The following ISLR2 variants were observed in gnomAD, a reference collection of about 807,000 sequenced individuals.
The protein encoded by ISLR2 is immunoglobulin superfamily containing leucine-rich repeat protein 2.
A neutral mutation model predicts 25.5 loss-of-function variants in ISLR2; 16 were observed. The ratio of observed to expected loss-of-function variants is 0.63; its 90% CI spans 0.43 to 0.95. The LOEUF (loss-of-function observed/expected upper bound fraction) is 0.95, where lower values mean the gene tolerates loss of function less well. Ranked by LOEUF, ISLR2 falls within the 40% of genes least tolerant of loss-of-function variation. ISLR2 has a pLI of 0.00. For missense variants in ISLR2, 883 were observed against 1,030.7 expected (o/e 0.86, Z 1.96); for synonymous variants, 508 against 486.6 (o/e 1.04, Z -0.58).
rs1202284404 is a variant in ISLR2, at chr15:74,131,818, CCTT to C, written c.-9+508_-9+510del. The C allele has an allele frequency of 4.6e-5, 7 of 152,368 alleles. No homozygotes were observed. The East Asian group carries it at 1.4e-3, about 29-fold the overall frequency. The allele number at this position is 152,368 out of a possible 1,614,324, so 9.4% of individuals were successfully genotyped here. A position where few individuals can be genotyped will look rare whatever the true frequency, so the allele number is the denominator to read the frequency against. ...CCGTAAGGAAGGTTGGCAGAGCAGC[CCTT>C]CTTCTCCCCTCACAGGAGCTGCAGC... On this transcript the variant is annotated intron_variant, in intron 2 of 2. Coordinates refer to ENST00000453268, the MANE Select transcript of ISLR2 (RefSeq NM_020851.3).
At position 74,133,043 on chromosome 15, in the gene ISLR2, G is replaced by C. The variant is rs2072463588; in HGVS notation, c.289G>C (p.Val97Leu). The C allele has an allele frequency of 6.2e-7, 1 of 1,613,020 alleles. No individual in the cohort carries two copies. Among genetic ancestry groups the C allele is most frequent in the Admixed American group, 1.7e-5 (1 of 60,014 alleles). ...VRTVEPGALAVLSQLKNLDLS... is the reference protein window; with the variant it reads ...VRTVEPGALALLSQLKNLDLS... ...CACCGTGGAGCCAGGCGCACTGGCC[G>C]TGCTGAGTCAGCTCAAGAACCTCGA... Residue 97 changes from valine (V) to leucine (L), a missense_variant, in exon 3 of 3, where the codon GTG (valine) becomes CTG (leucine). Physicochemically the swap from Val to Leu is conservative, Grantham distance 32. This residue lies in a region of ISLR2 where 271 missense variants were observed against 387.9 expected (regional missense o/e 0.70). Coordinates refer to ENST00000453268, the MANE Select transcript of ISLR2 (RefSeq NM_020851.3).
intron 2 of ISLR2, among the ~76,000 whole-genome samples, chr15:74,117,884 T>A (rs187413030): frequency 6.9e-4 from 105 of 152,264 alleles, no homozygotes; most frequent in African/African-American, 2.4e-3. Context: ...TCCACTGTTC[T>A]CACCTTCCAC....
intron 2 of ISLR2, among the ~76,000 whole-genome samples, chr15:74,109,746 C>A (rs2072151458): frequency 6.6e-6 from 1 of 152,172 alleles, no homozygotes; most frequent in African/African-American, 2.4e-5. Context: ...GATGCTGATG[C>A]TGTTGGCCCA....
At chr15:74,102,531 T>G (rs1342233425) in intron 1 of ISLR2, among the ~76,000 whole-genome samples, 1 of 149,904 alleles carries the variant, frequency 6.7e-6, no homozygotes, top group East Asian at 2.0e-4. Context: ...AACATTAGAG[T>G]GCATCCTAAT....
In ISLR2 at chr15:74,133,789, G is replaced by C. The variant is rs2072490155; in HGVS notation, c.1035G>C (p.Leu345=). 10 of 1,613,952 alleles carry C rather than the reference G, an allele frequency of 6.2e-6. No individual in the cohort carries two copies. Among genetic ancestry groups the C allele is most frequent in the Non-Finnish European group, 8.5e-6 (10 of 1,179,924 alleles). The part of the protein sequence containing the change: ...LANGSLLVPL[L]SAKEAGVYTC... ...ATGGCTCCCTGTTGGTGCCCCTCCT[G>C]AGTGCCAAGGAGGCGGGCGTCTACA... Residue 345 remains leucine (L), a synonymous_variant, in exon 3 of 3, where the codon CTG becomes CTC. Transcript: ENST00000453268.
chr15:74,109,541 A>C (rs113370667), intron 2 of ISLR2, among the ~76,000 whole-genome samples: 1 of 152,208 alleles, frequency 6.6e-6, no homozygotes, highest in African/African-American at 2.4e-5. Flanking sequence ...CCTGGGGCCC[A>C]CAGGAGGATT....
intron 2 of ISLR2, among the ~76,000 whole-genome samples, chr15:74,112,828 C>CTT (rs35655801): frequency 0.16 from 20,618 of 130,436 alleles, 2,198 homozygotes; most frequent in Non-Finnish European, 0.21. Context: ...GTGCCCGGCC[C>CTT]TTTTTTTTTT....
At chr15:74,123,552 G>T (rs1408122946), upstream of ISLR2, among the ~76,000 whole-genome samples, 2 of 152,212 alleles carry the variant, frequency 1.3e-5, no homozygotes, top group Admixed American at 6.5e-5. Context: ...TGAGCTTTCA[G>T]GTTGTGGAGC....
chr15:74,103,904 C>T (rs1453948570), exon 2 of ISLR2: 1 of 151,520 alleles, frequency 6.6e-6, no homozygotes, highest in Non-Finnish European at 1.5e-5. Flanking sequence ...GAGGTGTCTT[C>T]TGCCATAATT....
chr15:74,127,395 G>A (rs2072312623), upstream of ISLR2: 1 of 152,208 alleles, frequency 6.6e-6, no homozygotes, highest in Non-Finnish European at 1.5e-5. Flanking sequence ...GGAAGGTTTT[G>A]TGCCAGGGAC....
upstream of ISLR2, among the ~76,000 whole-genome samples, chr15:74,124,438 GTCTT>G (rs1158898785): frequency 6.6e-6 from 1 of 152,102 alleles, no homozygotes; most frequent in Non-Finnish European, 1.5e-5. Flanking sequence ...AGAGAAGCCT[GTCTT>G]TCTAACCCAC....
chr15:74,122,296 T>C (rs550841358), intron 2 of ISLR2, among the ~76,000 whole-genome samples: 34 of 152,246 alleles, frequency 2.2e-4, no homozygotes, highest in Non-Finnish European at 4.0e-4. Context: ...AAGGCTGTCA[T>C]TGCATCTCCC....
intron 2 of ISLR2, among the ~76,000 whole-genome samples, chr15:74,108,891 A>C (rs1326753866): frequency 2.0e-5 from 3 of 152,158 alleles, no homozygotes; most frequent in Non-Finnish European, 4.4e-5. Flanking sequence ...GTATCCAGAC[A>C]GAGGACCTAG....
chr15:74,108,759 G>A (rs2072142437), intron 2 of ISLR2, among the ~76,000 whole-genome samples: 1 of 152,240 alleles, frequency 6.6e-6, no homozygotes, highest in Non-Finnish European at 1.5e-5. Context: ...AGACAGACAG[G>A]TGGACTCTCA....
At chr15:74,128,751 A>C (rs1443581385), upstream of ISLR2, 1 of 438,816 alleles carries the variant, frequency 2.3e-6, no homozygotes, top group South Asian at 1.6e-5. Context: ...GACCGGACTC[A>C]GCTCCCGCTG....
chr15:74,133,109 C>G lies in ISLR2; in HGVS notation c.355C>G (p.Leu119Val). 1 of 1,612,764 alleles carries G rather than the reference C, an allele frequency of 6.2e-7. No homozygotes were observed. Among genetic ancestry groups the G allele is most frequent in the Non-Finnish European group, 8.5e-7 (1 of 1,179,994 alleles). ...NFISSFPWSD[L>V]RNLSALQLLK... ...CATATCCAGCTTTCCGTGGAGCGAC[C>G]TGCGCAACCTGAGCGCGCTGCAGCT... is the stretch of plus-strand genomic sequence containing the variant. Residue 119 changes from leucine to valine, a missense_variant, in exon 3 of 3, where the codon CTG (leucine) becomes GTG (valine). Leu to Val is a conservative substitution (Grantham distance 32). Coordinates refer to ENST00000453268, the MANE Select transcript of ISLR2 (RefSeq NM_020851.3).
At chr15:74,141,559 A>G (rs2072610842), downstream of ISLR2, among the ~76,000 whole-genome samples, 1 of 152,228 alleles carries the variant, frequency 6.6e-6, no homozygotes, top group Non-Finnish European at 1.5e-5. Flanking sequence ...TAGTATAAAT[A>G]CTAATAATAC....
At chr15:74,126,695 T>C (rs1160770192), upstream of ISLR2, 1 of 152,108 alleles carries the variant, frequency 6.6e-6, no homozygotes, top group Admixed American at 6.6e-5. Context: ...AGAGGTTAAA[T>C]AGCTTGGCTA....
chr15:74,135,209 A>C lies in ISLR2; in HGVS notation c.*217A>C. ...GGCTGCCATTCTCCCTGCGGGCTGAATCCCCTTCCCCGCCAAGCACAGTGT... is the reference window on the plus strand; with the variant it reads ...GGCTGCCATTCTCCCTGCGGGCTGACTCCCCTTCCCCGCCAAGCACAGTGT... On this transcript the variant is annotated 3_prime_UTR_variant, in exon 3 of 3. Coordinates refer to ENST00000453268, the MANE Select transcript of ISLR2 (RefSeq NM_020851.3). 1 of 610,640 alleles carries C rather than the reference A, an allele frequency of 1.6e-6. No homozygotes were observed. The highest frequency in any genetic ancestry group is 3.0e-6 in the Non-Finnish European group (1 of 338,550). 37.8% of individuals were successfully genotyped at this position (610,640 alleles called of 1,614,324 possible). A position where few individuals can be genotyped will look rare whatever the true frequency, so the allele number is the denominator to read the frequency against.
Sources: gnomAD v4.1 joint callset for allele counts (sites outside exome capture counted in the v4.1 genomes callset) on GRCh38, gnomAD v4.1.1 for gene constraint, gnomAD v4.1.1 regional missense constraint, MANE v1.5 for transcripts, NCBI Gene and HGNC (gene_info 2026-07-23, HGNC 2026-07-21) for gene names.